SLC4A10: variants seen among roughly 807,000 people sequenced by gnomAD.
SLC4A10 encodes solute carrier family 4 member 10, also known as sodium-driven chloride bicarbonate exchanger.
Under a neutral mutation model 137.7 loss-of-function variants are expected in SLC4A10, and 42 were observed. That is an observed-to-expected ratio of 0.30 (90% confidence interval 0.24 to 0.39). The LOEUF (loss-of-function observed/expected upper bound fraction) is 0.39, where lower values mean the gene tolerates loss of function less well. Among genes scored for constraint, SLC4A10 ranks in the 10% least tolerant of loss-of-function variants. The pLI is 1.00. For synonymous variants in SLC4A10, 474 were observed against 464.1 expected (o/e 1.02, Z -0.27); for missense variants, 925 against 1,355.0 (o/e 0.68, Z 4.98).
At chr2:161,819,967 T>G (rs2057479218) in intron 3 of SLC4A10, among the ~76,000 whole-genome samples, 1 of 152,190 alleles carries the variant, frequency 6.6e-6, no homozygotes. Context: ...ACGTTTATTT[T>G]TTTCCTCAAC....
Position 161,946,406 on chromosome 2 carries a change from A to G in SLC4A10, c.2104-1160A>G, listed in dbSNP as rs1023854441. 2.5e-4 allele frequency among the ~76,000 whole-genome samples: 38 copies of G among 151,984 alleles called. 1 individual carries two copies. Among genetic ancestry groups the G allele is most frequent in the African/African-American group, 9.2e-4 (38 of 41,416 alleles). On this transcript the variant is annotated intron_variant, in intron 16 of 26. Transcript: ENST00000446997. ...ATTCTACAATCTTTGGAGTGTATTT[A>G]CTTTTTGCTCTACAAAGATTTCAGG...
chr2:161,745,676 C>T (rs1339616567), intron 1 of SLC4A10, among the ~76,000 whole-genome samples: 1 of 152,108 alleles, frequency 6.6e-6, no homozygotes, highest in Admixed American at 6.6e-5. Context: ...CTAATCTTCC[C>T]AGTCTGGTCT....
intron 1 of SLC4A10, among the ~76,000 whole-genome samples, chr2:161,758,723 A>C (rs1432997235): frequency 6.6e-6 from 1 of 151,634 alleles, no homozygotes; most frequent in East Asian, 1.9e-4. Context: ...AGAGTGTAGA[A>C]CTTGCTAATT....
chr2:161,752,537 A>T (rs1318699674), intron 1 of SLC4A10, among the ~76,000 whole-genome samples: 1 of 152,102 alleles, frequency 6.6e-6, no homozygotes, highest in African/African-American at 2.4e-5. Context: ...TGTCAAAGAG[A>T]TATAAAATAT....
chr2:161,978,227 A>G (rs568141639), intron 26 of SLC4A10, among the ~76,000 whole-genome samples: 3 of 151,986 alleles, frequency 2.0e-5, no homozygotes, highest in Middle Eastern at 3.4e-3. Flanking sequence ...TGTACTAAAA[A>G]TACAAAAAAA....
At chr2:161,757,650 C>T (rs1212038117) in intron 1 of SLC4A10, among the ~76,000 whole-genome samples, 2 of 152,074 alleles carry the variant, frequency 1.3e-5, no homozygotes, top group African/African-American at 2.4e-5. Flanking sequence ...TGAACCTTGG[C>T]GGTCTGGTTT....
At chr2:161,969,080 T>C (rs1449276991) in intron 23 of SLC4A10, among the ~76,000 whole-genome samples, 1 of 152,170 alleles carries the variant, frequency 6.6e-6, no homozygotes, top group Non-Finnish European at 1.5e-5. Flanking sequence ...AGATGGTAAA[T>C]AGCAGAAATG....
intron 7 of SLC4A10, among the ~76,000 whole-genome samples, chr2:161,873,444 T>C (rs1031744111): frequency 2.0e-5 from 3 of 149,606 alleles, no homozygotes; most frequent in South Asian, 2.1e-4. Flanking sequence ...GGTGGGAGGA[T>C]TGCTTGAGCC....
chr2:161,694,068 C>T (rs958361842), intron 1 of SLC4A10, among the ~76,000 whole-genome samples: 25 of 152,062 alleles, frequency 1.6e-4, no homozygotes, highest in African/African-American at 5.8e-4. Flanking sequence ...ATTACAGCCC[C>T]TTTTCTTTTA....
chr2:161,857,010 T>C (rs796778744), intron 5 of SLC4A10, among the ~76,000 whole-genome samples: 4 of 152,338 alleles, frequency 2.6e-5, no homozygotes, highest in African/African-American at 9.6e-5. Flanking sequence ...TTTATACTTT[T>C]ACCAGTCTTC....
chr2:161,699,054 C>T (rs1242506489), intron 1 of SLC4A10, among the ~76,000 whole-genome samples: 2 of 152,092 alleles, frequency 1.3e-5, no homozygotes, highest in African/African-American at 4.8e-5. Flanking sequence ...GAGTCTCGCT[C>T]TGTCGCCCAG....
intron 2 of SLC4A10, among the ~76,000 whole-genome samples, chr2:161,792,074 A>G (rs2054268714): frequency 6.6e-6 from 1 of 152,170 alleles, no homozygotes; most frequent in Non-Finnish European, 1.5e-5. Flanking sequence ...AACTCTGTTT[A>G]GTATGAGTTT....
At chr2:161,903,702 G>A (rs1015120643) in intron 12 of SLC4A10, among the ~76,000 whole-genome samples, 2 of 152,176 alleles carry the variant, frequency 1.3e-5, no homozygotes, top group African/African-American at 4.8e-5. Context: ...ATGGCACAGA[G>A]ATTAGAGTAA....
intron 23 of SLC4A10, among the ~76,000 whole-genome samples, chr2:161,965,535 A>C (rs1697432404): frequency 6.6e-6 from 1 of 152,168 alleles, no homozygotes; most frequent in Non-Finnish European, 1.5e-5. Context: ...TTTGTTACAT[A>C]TGTGAGAACA....
intron 4 of SLC4A10, among the ~76,000 whole-genome samples, chr2:161,850,657 C>G (rs2059775834): frequency 1.3e-5 from 2 of 152,116 alleles, no homozygotes; most frequent in South Asian, 4.2e-4. Context: ...TTTCAAAGAG[C>G]CAAGTCTTGG....
chr2:161,639,256 A>G (rs947360365), intron 1 of SLC4A10, among the ~76,000 whole-genome samples: 4 of 152,160 alleles, frequency 2.6e-5, no homozygotes, highest in Non-Finnish European at 5.9e-5. Context: ...GTGAGGGGAA[A>G]TTTTTCCAAA....
intron 15 of SLC4A10, 144 bp downstream of exon 15, chr2:161,906,031 G>A (rs1684269744): frequency 1.8e-6 from 2 of 1,102,684 alleles, no homozygotes; most frequent in African/African-American, 3.2e-5. Context: ...GAGTCGAACA[G>A]GATTTTAAAA....
intron 15 of SLC4A10, among the ~76,000 whole-genome samples, chr2:161,915,320 A>G (rs957835068): frequency 1.3e-5 from 2 of 152,148 alleles, no homozygotes; most frequent in African/African-American, 4.8e-5. Flanking sequence ...TGCATTCACC[A>G]TCCTTCAATT....
At chr2:161,668,632 A>G (rs1242545232) in intron 1 of SLC4A10, among the ~76,000 whole-genome samples, 1 of 151,896 alleles carries the variant, frequency 6.6e-6, no homozygotes, top group Non-Finnish European at 1.5e-5. Flanking sequence ...AATATATTTT[A>G]CTGGTTCAGG....
Sources: gnomAD v4.1 joint callset for allele counts (sites outside exome capture counted in the v4.1 genomes callset) on GRCh38, gnomAD v4.1.1 for gene constraint, MANE v1.5 for transcripts, NCBI Gene and HGNC (gene_info 2026-07-23, HGNC 2026-07-21) for gene names.